C10orf88: variants seen among roughly 807,000 people sequenced by gnomAD.
The protein encoded by C10orf88 is chromosome 10 open reading frame 88, also known as ATPase PAAT.
Under a neutral mutation model 34.2 loss-of-function variants are expected in C10orf88, and 29 were observed. That is an observed-to-expected ratio of 0.85 (90% CI 0.63 to 1.16). The LOEUF is 1.16. C10orf88 is among the 50% of genes most tolerant of loss of function. The pLI, the probability that C10orf88 is intolerant of heterozygous loss-of-function variation, is 0.00. For missense variants in C10orf88, 507 were observed against 533.2 expected (o/e 0.95, Z 0.48); for synonymous variants, 194 against 197.4 (o/e 0.98, Z 0.15).
At chr10:122,942,799 T>C (rs1848598368) in intron 4 of C10orf88, among the ~76,000 whole-genome samples, 1 of 151,010 alleles carries the variant, frequency 6.6e-6, no homozygotes, top group Non-Finnish European at 1.5e-5. Context: ...ATAAAATACC[T>C]AGGAATCCAG....
chr10:122,938,104 T>C lies in C10orf88; in HGVS notation c.704A>G (p.Lys235Arg), dbSNP rs754735554. ...LQSVLGNSGY[K>R]HMIGLQSSST... is the part of the protein sequence containing the mutation. ...TGAGGATTGTAGTCCAATCATATGC[T>C]TGTATCCAGAATTGCCCAACACCGA... Residue 235 changes from lysine (K) to arginine (R), a missense_variant, in exon 5 of 6, where the codon AAG becomes AGG. Lys to Arg is a conservative substitution (Grantham distance 26). Transcript: ENST00000481909. The C allele has an allele frequency of 4.3e-6, 7 of 1,612,540 alleles. No homozygotes were observed. The South Asian group carries it at 4.4e-5, about 10-fold the overall frequency.
Position 122,936,350 on chromosome 10 carries a change from C to T in C10orf88, c.1103+1355G>A, listed in dbSNP as rs555974390. On this transcript the variant is annotated intron_variant, in intron 5 of 5. Transcript: ENST00000481909. Reference sequence around the variant, plus strand: ...ACTGATGATTGCATCTTCTTTTTATCTTTTGATAGTCTTGTTTGAAGTGTA... The same window carrying T: ...ACTGATGATTGCATCTTCTTTTTATTTTTTGATAGTCTTGTTTGAAGTGTA... Among the ~76,000 whole-genome samples, 3 of 151,720 alleles carry T rather than the reference C, an allele frequency of 2.0e-5. No individual in the cohort carries two copies. In the East Asian group the frequency reaches 5.8e-4, roughly 29 times the overall value.
At chr10:122,946,713 T>C (rs1257741516) in intron 4 of C10orf88, among the ~76,000 whole-genome samples, 2 of 152,100 alleles carry the variant, frequency 1.3e-5, no homozygotes, top group South Asian at 2.1e-4. Context: ...TGGAGGTACA[T>C]GCTACTTTAC....
intron 4 of C10orf88, among the ~76,000 whole-genome samples, chr10:122,947,337 T>C (rs1015838707): frequency 2.6e-5 from 4 of 152,240 alleles, no homozygotes; most frequent in African/African-American, 9.6e-5. Context: ...GCATTACTTA[T>C]TTTAAATTTT....
intron 3 of C10orf88, among the ~76,000 whole-genome samples, chr10:122,951,664 C>T (rs1191708131): frequency 6.6e-6 from 1 of 152,070 alleles, no homozygotes; most frequent in East Asian, 1.9e-4. Context: ...AGCCTCATCT[C>T]TACTAAAAAT....
At position 122,954,021 on chromosome 10, in the gene C10orf88, G is replaced by A. The variant is rs1365416882; in HGVS notation, c.158C>T (p.Ala53Val). The A allele has an allele frequency of 2.6e-6, 4 of 1,523,800 alleles. No homozygotes were observed. 94.4% of individuals were successfully genotyped at this position (1,523,800 alleles called of 1,614,324 possible). A position where few individuals can be genotyped will look rare whatever the true frequency, so the allele number is the denominator to read the frequency against. ...FDWEELLAPP[A>V]PGQDLVILKR... ...CCCCGTCGGCCCGGCGCACCCTGGA[G>A]CAGGCGGTGCCAGCAGCTCCTCCCA... Residue 53 changes from alanine (A) to valine (V), a missense_variant, in exon 1 of 6, where the codon GCT (alanine) becomes GTT (valine). By Grantham distance (64) the Ala-to-Val change is moderately conservative (BLOSUM62 0). Coordinates refer to ENST00000481909, the MANE Select transcript of C10orf88 (RefSeq NM_024942.4).
rs751622969 is a variant in C10orf88, at chr10:122,940,768, CT to C, written c.649-2610del. The stretch of plus-strand genomic sequence containing the variant: ...CATGCTATTAAAAATTTTGAAGAAA[CT>C]TAAATATCCATGAATAGGTAACTGC... On this transcript the variant is annotated intron_variant, in intron 4 of 5. Coordinates refer to ENST00000481909, the MANE Select transcript of C10orf88 (RefSeq NM_024942.4). 1.9e-4 allele frequency among the ~76,000 whole-genome samples: 29 copies of C among 152,052 alleles called. No individual in the cohort carries two copies. In the East Asian group the frequency reaches 5.2e-3, roughly 27 times the overall value.
At chr10:122,936,531 T>C (rs1848534945) in intron 5 of C10orf88, among the ~76,000 whole-genome samples, 2 of 151,962 alleles carry the variant, frequency 1.3e-5, no homozygotes, top group Non-Finnish European at 2.9e-5. Context: ...ATTTCTTTAA[T>C]GGTTATAGGA....
chr10:122,947,600 A>G (rs1487865066), intron 4 of C10orf88, among the ~76,000 whole-genome samples: 1 of 151,992 alleles, frequency 6.6e-6, no homozygotes, highest in East Asian at 1.9e-4. Flanking sequence ...ACACCCCTAA[A>G]CTTCCCTTCC....
chr10:122,953,965 G>A (rs936015371), intron 1 of C10orf88, 50 bp downstream of exon 1: 2 of 1,467,890 alleles, frequency 1.4e-6, no homozygotes, highest in Non-Finnish European at 1.8e-6. Context: ...TCCCCTAGAA[G>A]CGCGGCAGTT....
chr10:122,936,700 T>A (rs902971528), intron 5 of C10orf88, among the ~76,000 whole-genome samples: 1 of 151,982 alleles, frequency 6.6e-6, no homozygotes, highest in South Asian at 2.1e-4. Flanking sequence ...TTCATTCATT[T>A]CTGTGTAATA....
Position 122,954,009 on chromosome 10 carries a change from G to C in C10orf88, c.164+6C>G, listed in dbSNP as rs1299308467. 5.9e-6 allele frequency: 9 copies of C among 1,515,888 alleles called. No homozygotes were observed. The highest frequency in any genetic ancestry group is 2.1e-5 in the Admixed American group (1 of 47,698). 93.9% of individuals were successfully genotyped at this position (1,515,888 alleles called of 1,614,324 possible). ...TAGCGACCCCGTCCCCGTCGGCCCGGCGCACCCTGGAGCAGGCGGTGCCAG... is the reference window on the plus strand; with the variant it reads ...TAGCGACCCCGTCCCCGTCGGCCCGCCGCACCCTGGAGCAGGCGGTGCCAG... On this transcript the variant is annotated splice_donor_region_variant and intron_variant, in intron 1 of 5. Transcript: ENST00000481909.
chr10:122,952,749 G>A (rs533619546), intron 2 of C10orf88, 80 bp downstream of exon 2: 15 of 1,525,356 alleles, frequency 9.8e-6, no homozygotes, highest in African/African-American at 4.1e-5. Flanking sequence ...CAATATCAGA[G>A]AATCAATAAT....
chr10:122,946,600 G>A (rs982991888), intron 4 of C10orf88, among the ~76,000 whole-genome samples: 6 of 152,050 alleles, frequency 3.9e-5, no homozygotes, highest in Admixed American at 6.5e-5. Context: ...AGACAGATAA[G>A]TCTTGTTTAC....
chr10:122,938,226 T>G, intron 4 of C10orf88, 67 bp from the exon 5 acceptor site: 1 of 1,285,646 alleles, frequency 7.8e-7, no homozygotes, highest in Non-Finnish European at 1.1e-6. Context: ...GAGTAATTAC[T>G]ATGAGTCAGG....
chr10:122,932,956 A>G (rs1002453067), intron 5 of C10orf88, among the ~76,000 whole-genome samples: 5 of 152,230 alleles, frequency 3.3e-5, no homozygotes, highest in African/African-American at 1.2e-4. Context: ...GGTCCAAATC[A>G]AAACTGATCT....
intron 5 of C10orf88, among the ~76,000 whole-genome samples, chr10:122,936,267 CCCTT>C (rs1848533076): frequency 6.6e-6 from 1 of 151,854 alleles, no homozygotes; most frequent in Admixed American, 6.6e-5. Flanking sequence ...AATATTCCCT[CCCTT>C]GTTATCTTTT....
At chr10:122,951,641 C>G (rs1848690765) in intron 3 of C10orf88, among the ~76,000 whole-genome samples, 1 of 151,994 alleles carries the variant, frequency 6.6e-6, no homozygotes. Context: ...TACATGTTTA[C>G]TAAGTATTTC....
Position 122,932,480 on chromosome 10 carries a change from T to A in C10orf88, c.1285A>T (p.Ile429Leu), listed in dbSNP as rs753173728. The A allele has an allele frequency of 8.1e-6, 13 of 1,613,968 alleles. No homozygotes were observed. The highest frequency in any genetic ancestry group is 1.7e-5 in the Admixed American group (1 of 59,990). ...LQNPNSPPTGIPLRHYDSGER... is the reference protein window; with the variant it reads ...LQNPNSPPTGLPLRHYDSGER... Reference sequence around the variant, plus strand: ...CCAGAGTCATAATGTCTTAGAGGTATCCCAGTGGGCGGGGAGTTAGGATTT... The same window carrying A: ...CCAGAGTCATAATGTCTTAGAGGTAACCCAGTGGGCGGGGAGTTAGGATTT... Residue 429 changes from isoleucine (I) to leucine (L), a missense_variant, in exon 6 of 6, where the codon ATA (isoleucine) becomes TTA (leucine). Transcript: ENST00000481909.
Sources: gnomAD v4.1 joint callset for allele counts (sites outside exome capture counted in the v4.1 genomes callset) on GRCh38, gnomAD v4.1.1 for gene constraint, MANE v1.5 for transcripts, NCBI Gene and HGNC (gene_info 2026-07-23, HGNC 2026-07-21) for gene names.